The following ADGRL2 variants were observed in gnomAD, a reference collection of about 807,000 sequenced individuals.
The protein encoded by ADGRL2 is adhesion G protein-coupled receptor L2.
In ADGRL2, 44 loss-of-function variants were observed where a neutral mutation model predicts 157.4. The observed-to-expected ratio is 0.28, with a 90% CI of 0.22 to 0.36. ADGRL2 has a LOEUF of 0.36. Ranked by LOEUF, ADGRL2 falls within the 10% of genes least tolerant of loss-of-function variation. ADGRL2 has a pLI of 1.00. For missense variants in ADGRL2, 1,510 were observed against 1,768.9 expected, an observed-to-expected ratio of 0.85 and a Z score of 2.63; for synonymous variants, 585 against 624.7, an observed-to-expected ratio of 0.94 and a Z score of 0.95.
At chr1:81,738,307 A>G (rs1571017400) in intron 1 of ADGRL2, among the ~76,000 whole-genome samples, 1 of 152,170 alleles carries the variant, frequency 6.6e-6, no homozygotes, top group South Asian at 2.1e-4. Context: ...TCATCCTTTT[A>G]TAATGGTTTC....
At chr1:81,813,215 C>T (rs145490670) in intron 1 of ADGRL2, among the ~76,000 whole-genome samples, 3,999 of 147,448 alleles carry the variant, frequency 0.027, 71 homozygotes, top group Middle Eastern at 0.069. Context: ...TTAGAATTTG[C>T]TTGTTGGTTG....
intron 2 of ADGRL2, among the ~76,000 whole-genome samples, chr1:81,566,215 G>A (rs1318282880): frequency 6.6e-6 from 1 of 152,100 alleles, no homozygotes; most frequent in African/African-American, 2.4e-5. Context: ...ATTGGTTCCT[G>A]CAAACATGTA....
intron 1 of ADGRL2, among the ~76,000 whole-genome samples, chr1:81,730,429 A>G (rs540273160): frequency 3.3e-4 from 50 of 150,770 alleles, no homozygotes; most frequent in African/African-American, 1.1e-3. Flanking sequence ...TTCAGTCAAC[A>G]GATAGTGCTT....
intron 1 of ADGRL2, among the ~76,000 whole-genome samples, chr1:81,322,701 G>T (rs968539785): frequency 3.3e-5 from 5 of 151,934 alleles, no homozygotes; most frequent in African/African-American, 9.7e-5. Flanking sequence ...GAAAAACACG[G>T]TATATCAAAA....
chr1:81,693,377 C>A (rs961105849), intron 3 of ADGRL2, among the ~76,000 whole-genome samples: 1 of 152,200 alleles, frequency 6.6e-6, no homozygotes, highest in Admixed American at 6.5e-5. Flanking sequence ...TTTATTCAGA[C>A]TCATCATTTG....
At chr1:81,722,173 G>C (rs2084351461) in intron 1 of ADGRL2, 1 of 367,008 alleles carries the variant, frequency 2.7e-6, no homozygotes, top group African/African-American at 2.1e-5. Context: ...GGCGCCTGTA[G>C]TCCCAGCTGC....
intron 2 of ADGRL2, chr1:81,580,852 GTTA>G (rs2080893817): frequency 6.6e-6 from 1 of 152,174 alleles, no homozygotes; most frequent in African/African-American, 2.4e-5. Context: ...TCATATATCT[GTTA>G]TTATTTTCCT....
At chr1:81,442,484 A>AT (rs1171269651) in intron 1 of ADGRL2, among the ~76,000 whole-genome samples, 2 of 152,188 alleles carry the variant, frequency 1.3e-5, no homozygotes, top group Non-Finnish European at 1.5e-5. Context: ...GGGCTACTTT[A>AT]TTTTTTGAGC....
intron 2 of ADGRL2, among the ~76,000 whole-genome samples, chr1:81,840,960 G>A (rs1390408745): frequency 6.6e-6 from 1 of 152,096 alleles, no homozygotes; most frequent in East Asian, 1.9e-4. Context: ...TCAGTAAGTA[G>A]AAAGTAAATT....
At chr1:81,946,766 G>A (rs921660692) in intron 6 of ADGRL2, among the ~76,000 whole-genome samples, 34 of 152,238 alleles carry the variant, frequency 2.2e-4, no homozygotes, top group African/African-American at 8.2e-4. Flanking sequence ...GATGATCAGT[G>A]TTTTTAGACA....
chr1:81,806,445 T>C (rs1398818494), intron 1 of ADGRL2, among the ~76,000 whole-genome samples: 2 of 151,998 alleles, frequency 1.3e-5, no homozygotes, highest in African/African-American at 4.8e-5. Flanking sequence ...AAGGTTTACT[T>C]AGGGTTAATC....
intron 2 of ADGRL2, among the ~76,000 whole-genome samples, chr1:81,504,467 T>A (rs138265161): frequency 0.057 from 8,715 of 152,228 alleles, 299 homozygotes; most frequent in South Asian, 0.097. Context: ...TCTGAAATCT[T>A]TTTTATATGT....
rs573018811 is a variant in ADGRL2 at position 81,639,576 on chromosome 1, T to C, written c.-143+58596T>C. 3.1e-4 allele frequency among the ~76,000 whole-genome samples: 44 copies of C among 139,972 alleles called. No homozygotes were observed. In the Middle Eastern group the frequency reaches 0.02, roughly 62 times the overall value. 91.8% of individuals were successfully genotyped at this position (139,972 alleles called of 152,430 possible). A position where few individuals can be genotyped will look rare whatever the true frequency, so the allele number is the denominator to read the frequency against. On this transcript the variant is annotated intron_variant, in intron 3 of 24. Coordinates refer to the ADGRL2 transcript ENST00000370721. ...AAAAAAAAAAAAAAAGATGAAGGTA[T>C]ATGACACTAACATTAATCAAAAGAA...
intron 1 of ADGRL2, among the ~76,000 whole-genome samples, chr1:81,405,327 A>G (rs1221955416): frequency 6.6e-6 from 1 of 152,204 alleles, no homozygotes; most frequent in African/African-American, 2.4e-5. Context: ...AATTGGATGT[A>G]CTGCCACATA....
rs1664994661 is a variant in ADGRL2, at chr1:81,993,855, T to A, written c.*2710T>A. ...CTGTGAACTTATAAAGTCACATTTT[T>A]AAAGTTCTTCCTAGAGACATTCACT... On this transcript the variant is annotated 3_prime_UTR_variant, in exon 24 of 24. Transcript: ENST00000686636. Among the ~76,000 whole-genome samples, 1 of 152,104 alleles carries A rather than the reference T, an allele frequency of 6.6e-6. No homozygotes were observed. Among genetic ancestry groups the A allele is most frequent in the Non-Finnish European group, 1.5e-5 (1 of 68,028 alleles).
At chr1:81,675,614 C>T (rs1290164894) in intron 3 of ADGRL2, among the ~76,000 whole-genome samples, 1 of 150,516 alleles carries the variant, frequency 6.6e-6, no homozygotes, top group Non-Finnish European at 1.5e-5. Flanking sequence ...CAGAGTCTCA[C>T]TCTGTCACCC....
chr1:81,631,215 C>A (rs1026218319), intron 3 of ADGRL2, among the ~76,000 whole-genome samples: 1 of 151,434 alleles, frequency 6.6e-6, no homozygotes, highest in African/African-American at 2.4e-5. Flanking sequence ...TTTCTTTTTT[C>A]TTTTCTTTTG....
At chr1:81,728,807 CT>C (rs1312050120) in intron 1 of ADGRL2, among the ~76,000 whole-genome samples, 2 of 152,124 alleles carry the variant, frequency 1.3e-5, no homozygotes, top group Non-Finnish European at 2.9e-5. Flanking sequence ...TCTGCACTGG[CT>C]TTAGATCCCT....
At chr1:81,425,007 G>A (rs1386318747) in intron 1 of ADGRL2, among the ~76,000 whole-genome samples, 27 of 152,192 alleles carry the variant, frequency 1.8e-4, no homozygotes, top group Admixed American at 1.8e-3. Flanking sequence ...CACCTTGTGT[G>A]AAAGTCTAAT....
Sources: gnomAD v4.1 joint callset for allele counts (sites outside exome capture counted in the v4.1 genomes callset) on GRCh38, gnomAD v4.1.1 for gene constraint, MANE v1.5 for transcripts, NCBI Gene and HGNC (gene_info 2026-07-23, HGNC 2026-07-21) for gene names.